The following CRB1 variants were observed in gnomAD, a reference collection of about 807,000 sequenced individuals.
The protein encoded by CRB1 is protein crumbs homolog 1.
CRB1 carries 83 observed loss-of-function variants against 120.0 expected under a neutral mutation model. The ratio of observed to expected loss-of-function variants is 0.69; its 90% CI spans 0.58 to 0.83. The LOEUF (loss-of-function observed/expected upper bound fraction) is 0.83. Ranked by LOEUF, CRB1 falls within the 40% of genes least tolerant of loss-of-function variation. The pLI is 0.00. For synonymous variants in CRB1, 625 were observed against 612.5 expected (o/e 1.02, Z -0.30); for missense variants, 1,699 against 1,687.6 (o/e 1.01, Z -0.12).
At chr1:197,388,780 A>C (rs565744990) in intron 5 of CRB1, among the ~76,000 whole-genome samples, 1 of 152,136 alleles carries the variant, frequency 6.6e-6, no homozygotes, top group Non-Finnish European at 1.5e-5. Flanking sequence ...GAAATTAAAT[A>C]TTACTCTTAT....
chr1:197,205,124 T>A, the CRB1 span, among the ~76,000 whole-genome samples: 1 of 152,248 alleles, frequency 6.6e-6, no homozygotes, highest in Non-Finnish European at 1.5e-5. Flanking sequence ...ATCCTAAAAC[T>A]TTGCTTAATT....
chr1:197,412,369 C>T (rs1019210108), intron 5 of CRB1, among the ~76,000 whole-genome samples: 6 of 152,186 alleles, frequency 3.9e-5, no homozygotes, highest in African/African-American at 1.4e-4. Flanking sequence ...ATAATTGTTT[C>T]ATAGGCTTTA....
At chr1:197,304,569 TC>T (rs746603357) in intron 1 of CRB1, among the ~76,000 whole-genome samples, 54 of 152,242 alleles carry the variant, frequency 3.5e-4, no homozygotes, top group Non-Finnish European at 7.1e-4. Context: ...TATGTGGTTT[TC>T]TATATTGTAG....
the CRB1 span, among the ~76,000 whole-genome samples, chr1:197,253,823 T>G: frequency 6.6e-6 from 1 of 152,072 alleles, no homozygotes; most frequent in East Asian, 1.9e-4. Context: ...CTATCAAGGT[T>G]TTAAGGAAAT....
chr1:197,371,911 C>A (rs1348117382), intron 5 of CRB1, among the ~76,000 whole-genome samples: 3 of 152,110 alleles, frequency 2.0e-5, no homozygotes, highest in East Asian at 1.9e-4. Context: ...AAAGATCAGT[C>A]AGGGCCTTGC....
At chr1:197,327,091 CAAAAAAAAAAAAAAAAAA>C (rs71131753) in intron 1 of CRB1, among the ~76,000 whole-genome samples, 51 of 25,700 alleles carry the variant, frequency 2.0e-3, no homozygotes, top group Non-Finnish European at 2.0e-3. Context: ...TCTCACACAC[CAAAAAAAAAAAAAAAAAA>C]AAAAAAAAAA....
At chr1:197,288,157 T>A (rs375293604) in intron 1 of CRB1, among the ~76,000 whole-genome samples, 6 of 151,716 alleles carry the variant, frequency 4.0e-5, no homozygotes, top group African/African-American at 1.5e-4. Flanking sequence ...GAAGCTCCTT[T>A]TAGTATTCAG....
chr1:197,404,534 TTTTG>T (rs1179389017), intron 5 of CRB1, among the ~76,000 whole-genome samples: 1 of 152,048 alleles, frequency 6.6e-6, no homozygotes, highest in African/African-American at 2.4e-5. Context: ...TTCACACTGG[TTTTG>T]TTTAATTCAG....
At chr1:197,388,997 A>G (rs913650960) in intron 5 of CRB1, among the ~76,000 whole-genome samples, 1 of 152,162 alleles carries the variant, frequency 6.6e-6, no homozygotes, top group Non-Finnish European at 1.5e-5. Context: ...AATCAAAACC[A>G]CAGTGAGATA....
the CRB1 span, among the ~76,000 whole-genome samples, chr1:197,244,345 C>T: frequency 6.6e-6 from 1 of 151,960 alleles, no homozygotes; most frequent in Non-Finnish European, 1.5e-5. Flanking sequence ...ATTTTTATTT[C>T]ATGTAGATCT....
At chr1:197,229,534 G>A in the CRB1 span, among the ~76,000 whole-genome samples, 1 of 152,066 alleles carries the variant, frequency 6.6e-6, no homozygotes, top group Non-Finnish European at 1.5e-5. Context: ...TGAGGTTTGG[G>A]GTATGAGTGA....
chr1:197,248,921 G>A, the CRB1 span, among the ~76,000 whole-genome samples: 131,161 of 151,930 alleles, frequency 0.86, 57,056 homozygotes, highest in East Asian at 1. Context: ...TAAATACTAC[G>A]GTTAGATTTC....
the CRB1 span, among the ~76,000 whole-genome samples, chr1:197,254,697 T>A: frequency 1.3e-5 from 2 of 152,212 alleles, no homozygotes; most frequent in East Asian, 3.9e-4. Flanking sequence ...TTAAATGAAA[T>A]ATAATAATTT....
At position 197,268,401 on chromosome 1, in the gene CRB1, CTAA is replaced by C; in HGVS notation, c.-11_-9del. 1 of 1,598,604 alleles carries C rather than the reference CTAA, an allele frequency of 6.3e-7. No homozygotes were observed. Among genetic ancestry groups the C allele is most frequent in the Non-Finnish European group, 8.6e-7 (1 of 1,166,066 alleles). ...CCAGCAACACACCAGAGGATGTTCT[CTAA>C]ATAAGACCATGGCACTTAAGAACAT... is the stretch of plus-strand genomic sequence containing the variant. On this transcript the variant is annotated 5_prime_UTR_variant, in exon 1 of 12. Coordinates refer to ENST00000367400, the MANE Select transcript of CRB1 (RefSeq NM_201253.3).
At chr1:197,351,364 C>CAAAAAAAAAAAAAAAAAAAAAAGAA (rs1660092261) in intron 4 of CRB1, among the ~76,000 whole-genome samples, 1 of 86,052 alleles carries the variant, frequency 1.2e-5, no homozygotes, top group Non-Finnish European at 2.1e-5. Context: ...TGAGACTTGG[C>CAAAAAAAAAAAAAAAAAAAAAAGAA]AAAAAAAAAA....
chr1:197,376,244 A>C (rs1207705270), intron 5 of CRB1, among the ~76,000 whole-genome samples: 1 of 152,158 alleles, frequency 6.6e-6, no homozygotes, highest in African/African-American at 2.4e-5. Context: ...GATGTTTACA[A>C]CATCTAAATT....
chr1:197,265,309 CCTTT>C (rs1654606996), upstream of CRB1, among the ~76,000 whole-genome samples: 1 of 151,380 alleles, frequency 6.6e-6, no homozygotes, highest in African/African-American at 2.4e-5. Flanking sequence ...TTCTTTCTTT[CCTTT>C]CTTTCTTCCT....
chr1:197,227,485 G>T, the CRB1 span, among the ~76,000 whole-genome samples: 1 of 149,770 alleles, frequency 6.7e-6, no homozygotes, highest in Non-Finnish European at 1.5e-5. Context: ...CCTCCAAAAT[G>T]ATCTCCTTTG....
At chr1:197,378,126 C>G (rs1661744104) in intron 5 of CRB1, among the ~76,000 whole-genome samples, 1 of 152,142 alleles carries the variant, frequency 6.6e-6, no homozygotes, top group African/African-American at 2.4e-5. Context: ...CCTGACATCT[C>G]CCATAGTGTT....
Sources: gnomAD v4.1 joint callset for allele counts (sites outside exome capture counted in the v4.1 genomes callset) on GRCh38, gnomAD v4.1.1 for gene constraint, MANE v1.5 for transcripts, NCBI Gene and HGNC (gene_info 2026-07-23, HGNC 2026-07-21) for gene names.